TARDBP: variants seen among roughly 807,000 people sequenced by gnomAD.
TARDBP encodes the protein TAR DNA binding protein, also known as TAR DNA-binding protein 43.
Under a neutral mutation model 38.3 loss-of-function variants are expected in TARDBP, and 4 were observed. That is an observed-to-expected ratio of 0.10 (90% CI 0.05 to 0.24). TARDBP has a LOEUF of 0.24. Among genes scored for constraint, TARDBP ranks in the 10% least tolerant of loss-of-function variants. The pLI is 1.00. For synonymous variants in TARDBP, 184 were observed against 183.8 expected (o/e 1.00, Z -0.01); for missense variants, 202 against 521.9 (o/e 0.39, Z 5.97).
At chr1:11,027,034 C>A (rs765574358), downstream of TARDBP, 2 of 1,597,096 alleles carry the variant, frequency 1.3e-6, no homozygotes, top group South Asian at 1.1e-5. Flanking sequence ...TCTAGAAACA[C>A]CAGTGCCCCT....
rs1483898607 is a variant in TARDBP at position 11,012,680 on chromosome 1, G to A, written c.-76G>A. On this transcript the variant is annotated 5_prime_UTR_variant, in exon 1 of 6. Coordinates refer to ENST00000240185, the MANE Select transcript of TARDBP (RefSeq NM_007375.4). ...TTTTGTGGGAGCGAAGCGGTGGCTG[G>A]GCTGCGCTTGGGTCCGTCGCTGCTT... 1 of 152,418 alleles carries A rather than the reference G, an allele frequency of 6.6e-6. No homozygotes were observed. The highest frequency in any genetic ancestry group is 1.9e-4 in the East Asian group (1 of 5,180). 9.4% of individuals were successfully genotyped at this position (152,418 alleles called of 1,614,324 possible).
At position 11,018,431 on chromosome 1, in the gene TARDBP, C is replaced by T. The variant is rs183503439; in HGVS notation, c.403-302C>T. On this transcript the variant is annotated intron_variant, in intron 3 of 5. Coordinates refer to ENST00000240185, the MANE Select transcript of TARDBP (RefSeq NM_007375.4). ...CCTGAACTCCTGTGCTCAAGCGATC[C>T]ACCCTCCTCAGCATCCCAAAGCACT... 3.4e-5 allele frequency: 14 copies of T among 406,206 alleles called. No individual in the cohort carries two copies. The East Asian group carries it at 7.8e-4, about 22-fold the overall frequency. 25.2% of individuals were successfully genotyped at this position (406,206 alleles called of 1,614,324 possible). A position where few individuals can be genotyped will look rare whatever the true frequency, so the allele number is the denominator to read the frequency against.
downstream of TARDBP, chr1:11,030,418 T>A (rs190718349): frequency 3.3e-6 from 2 of 599,860 alleles, no homozygotes; most frequent in African/African-American, 3.7e-5. Context: ...TGCATTACCA[T>A]GTTTGCTTGC....
chr1:11,019,579 T>G (rs1333157453), intron 4 of TARDBP, among the ~76,000 whole-genome samples: 1 of 152,098 alleles, frequency 6.6e-6, no homozygotes, highest in South Asian at 2.1e-4. Flanking sequence ...GACTTTTTTT[T>G]TTTGAGAGAG....
rs1643681446 is a variant in TARDBP at position 11,023,644 on chromosome 1, C to G, written c.*990C>G. On this transcript the variant is annotated 3_prime_UTR_variant, in exon 6 of 6. Coordinates refer to ENST00000240185, the MANE Select transcript of TARDBP (RefSeq NM_007375.4). ...AATGTTTTTTGCATTCAAAGGACAT[C>G]CACATCTGTTGGAAGACTTTTAAGT... 4.3e-6 allele frequency: 1 copy of G among 234,024 alleles called. No individual in the cohort carries two copies. The highest frequency in any genetic ancestry group is 5.3e-5 in the Admixed American group (1 of 18,842). The allele number at this position is 234,024 out of a possible 1,614,324, so 14.5% of individuals were successfully genotyped here.
chr1:11,022,086 G>C lies in TARDBP; in HGVS notation c.715-38G>C. 6.2e-7 allele frequency: 1 copy of C among 1,611,914 alleles called. No individual in the cohort carries two copies. Among genetic ancestry groups the C allele is most frequent in the Non-Finnish European group, 8.5e-7 (1 of 1,178,160 alleles). On this transcript the variant is annotated intron_variant, in intron 5 of 5. Coordinates refer to ENST00000240185, the MANE Select transcript of TARDBP (RefSeq NM_007375.4). This position sits in a 1 kb window ranked among gnomAD's most constrained non-coding sequence, Gnocchi z 4.5. ...GCTACTTTAAATATATGAATCAGTG[G>C]TTTAATCTTCTTTGTTTACATCCCT...
intron 2 of TARDBP, chr1:11,015,738 T>G (rs1192615327): frequency 8.0e-6 from 1 of 124,554 alleles, no homozygotes; most frequent in Non-Finnish European, 1.7e-5. Flanking sequence ...GGGGTTTTTT[T>G]GTTGTTGTTT....
At chr1:11,014,412 A>G (rs1266628245) in intron 2 of TARDBP, among the ~76,000 whole-genome samples, 2 of 152,182 alleles carry the variant, frequency 1.3e-5, no homozygotes, top group Admixed American at 6.5e-5. Context: ...TCCAATTACA[A>G]TTTCGAGGTT....
At chr1:11,021,897 A>T (rs1643646137) in intron 5 of TARDBP, among the ~76,000 whole-genome samples, 1 of 152,240 alleles carries the variant, frequency 6.6e-6, no homozygotes, top group African/African-American at 2.4e-5. Flanking sequence ...GATTACAGGC[A>T]TGAGCCACCA....
downstream of TARDBP, chr1:11,026,789 T>A (rs1570731094): frequency 9.5e-7 from 1 of 1,058,092 alleles, no homozygotes; most frequent in East Asian, 2.8e-5. Context: ...AACTGCCATG[T>A]CCACAGTAAT....
At chr1:11,029,551 A>G (rs778398185), downstream of TARDBP, 9 of 152,014 alleles carry the variant, frequency 5.9e-5, no homozygotes, top group East Asian at 1.4e-3. Context: ...TTGGGTTTTA[A>G]TAGCATTTTA....
chr1:11,030,182 C>G, downstream of TARDBP: 1 of 1,610,654 alleles, frequency 6.2e-7, no homozygotes, highest in Non-Finnish European at 8.5e-7. Context: ...TTACCAGGCT[C>G]ACAGACTGGG....
intron 2 of TARDBP, among the ~76,000 whole-genome samples, chr1:11,016,578 A>G (rs1330301248): frequency 6.6e-6 from 1 of 152,186 alleles, no homozygotes; most frequent in African/African-American, 2.4e-5. Context: ...GTTTTGATAA[A>G]CCTTTTGAGA....
chr1:11,028,697 G>GTTTTTTTTTTTTTT (rs1208974169), downstream of TARDBP, among the ~76,000 whole-genome samples: 3 of 36,178 alleles, frequency 8.3e-5, 1 homozygote, highest in African/African-American at 3.9e-4. Flanking sequence ...ATCTTTCTGG[G>GTTTTTTTTTTTTTT]TTTTTTTTCT....
chr1:11,027,101 GT>G (rs1369279850), downstream of TARDBP: 2 of 1,607,568 alleles, frequency 1.2e-6, no homozygotes, highest in Non-Finnish European at 1.7e-6. Flanking sequence ...CACAAAGCAT[GT>G]TAGCAGTTAC....
chr1:11,027,061 A>C (rs746021937), downstream of TARDBP: 1 of 1,593,710 alleles, frequency 6.3e-7, no homozygotes, highest in Non-Finnish European at 8.5e-7. Context: ...TCACCTCTGC[A>C]GCTGTCCTTG....
chr1:11,017,080 A>G, intron 3 of TARDBP, 73 bp downstream of exon 3: 1 of 1,521,244 alleles, frequency 6.6e-7, no homozygotes, highest in Admixed American at 1.7e-5. Context: ...ATTGGTATAA[A>G]TAGAGATGGG....
intron 2 of TARDBP, among the ~76,000 whole-genome samples, chr1:11,014,941 CA>C (rs34247753): frequency 0.69 from 104,377 of 150,824 alleles, 39,370 homozygotes; most frequent in East Asian, 0.86. Context: ...CGTCTCAAAA[CA>C]AAAAAAAACG....
intron 2 of TARDBP, 76 bp from the exon 3 acceptor site, chr1:11,016,768 T>C (rs1257301062): frequency 1.4e-6 from 2 of 1,472,012 alleles, no homozygotes; most frequent in African/African-American, 2.8e-5. Flanking sequence ...GCTTCTCATT[T>C]CTAGATGTAG....
Sources: allele counts gnomAD v4.1 joint callset (sites outside exome capture counted in the v4.1 genomes callset), GRCh38; gene constraint gnomAD v4.1.1; non-coding constraint Gnocchi (gnomAD v3.1); transcripts MANE v1.5; gene names NCBI Gene and HGNC (gene_info 2026-07-23, HGNC 2026-07-21).